YAF2: variants seen among roughly 807,000 people sequenced by gnomAD.
YAF2 encodes the protein YY1 associated factor 2, also known as YY1-associated factor 2.
YAF2 carries 7 observed loss-of-function variants against 20.1 expected under a neutral mutation model. The observed-to-expected ratio is 0.35, with a 90% CI of 0.20 to 0.65. YAF2 has a LOEUF of 0.65. Ranked by LOEUF, YAF2 falls within the 30% of genes least tolerant of loss-of-function variation. YAF2 has a pLI of 0.69. For synonymous variants in YAF2, 74 were observed against 76.0 expected (o/e 0.97, Z 0.14); for missense variants, 151 against 219.2 (o/e 0.69, Z 1.96).
chr12:42,175,738 C>G (rs1433855265), intron 2 of YAF2, among the ~76,000 whole-genome samples: 1 of 4,722 alleles, frequency 2.1e-4, no homozygotes, highest in African/African-American at 7.0e-4. Flanking sequence ...AAGACTCTGT[C>G]TCAAAAAAAA....
At chr12:42,191,606 C>T (rs188386369) in intron 2 of YAF2, among the ~76,000 whole-genome samples, 110 of 152,126 alleles carry the variant, frequency 7.2e-4, no homozygotes, top group Admixed American at 6.5e-3. Context: ...CCTTGTTTTC[C>T]TTCTTTTGCT....
At chr12:42,189,578 G>T (rs1394150104) in intron 2 of YAF2, among the ~76,000 whole-genome samples, 5 of 152,118 alleles carry the variant, frequency 3.3e-5, no homozygotes, top group Admixed American at 6.5e-5. Context: ...TTAGACTTGT[G>T]TATATGTATA....
In YAF2 at chr12:42,207,717, C is replaced by A. The variant is rs575228263; in HGVS notation, c.152+29882G>T. Reference sequence around the variant, plus strand: ...ACCATCCTGGCTAACACGGTGAAACCCCGTCTCTACTAAAAATACAAAAAT... The same window carrying A: ...ACCATCCTGGCTAACACGGTGAAACACCGTCTCTACTAAAAATACAAAAAT... On this transcript the variant is annotated intron_variant, in intron 2 of 3. Transcript: ENST00000534854. 3.3e-5 allele frequency among the ~76,000 whole-genome samples: 5 copies of A among 151,954 alleles called. No individual in the cohort carries two copies. In the South Asian group the frequency reaches 1.0e-3, roughly 32 times the overall value.
chr12:42,170,187 G>C (rs12371615), intron 2 of YAF2, among the ~76,000 whole-genome samples: 53,556 of 151,916 alleles, frequency 0.35, 9,777 homozygotes, highest in South Asian at 0.48. Flanking sequence ...ATGTGTTTTT[G>C]ATAAGTCAGT....
intron 2 of YAF2, chr12:42,233,508 T>C (rs2068042899): frequency 1.0e-6 from 1 of 981,954 alleles, no homozygotes; most frequent in African/African-American, 1.7e-5. Flanking sequence ...TTTTCTCTGA[T>C]GACTCAGAAT....
rs536681932 is a variant in YAF2, at chr12:42,202,629, A to T, written c.152+34970T>A. Among the ~76,000 whole-genome samples, 7 of 152,302 alleles carry T rather than the reference A, an allele frequency of 4.6e-5. No individual in the cohort carries two copies. In the South Asian group the frequency reaches 1.4e-3, roughly 32 times the overall value. ...CATTGTATATAGTATTTCAATCTAA[A>T]TAGCATAACTTTTATTTCTATTTTT... On this transcript the variant is annotated intron_variant, in intron 2 of 3. Transcript: ENST00000534854.
At chr12:42,234,032 G>A (rs571356913) in intron 2 of YAF2, 14 of 651,158 alleles carry the variant, frequency 2.2e-5, no homozygotes, top group Non-Finnish European at 2.7e-5. Context: ...TTAGCCTGGT[G>A]TGGTGGCGGG....
chr12:42,234,899 G>A (rs2068097239), intron 2 of YAF2: 1 of 792,488 alleles, frequency 1.3e-6, no homozygotes, highest in Non-Finnish European at 1.5e-6. Flanking sequence ...GAGGTGGGAG[G>A]ATTCCTTGAA....
intron 2 of YAF2, among the ~76,000 whole-genome samples, chr12:42,182,109 G>C (rs991492618): frequency 6.6e-6 from 1 of 151,776 alleles, no homozygotes; most frequent in Non-Finnish European, 1.5e-5. Flanking sequence ...GTAAACTGAT[G>C]AATTATTTCA....
chr12:42,232,979 G>A (rs998530625), intron 2 of YAF2: 5 of 985,172 alleles, frequency 5.1e-6, no homozygotes, highest in Non-Finnish European at 6.0e-6. Flanking sequence ...CAGTTAAAGC[G>A]GTTCTAATTT....
chr12:42,203,033 A>C (rs2066941842), intron 2 of YAF2, among the ~76,000 whole-genome samples: 2 of 151,090 alleles, frequency 1.3e-5, no homozygotes, highest in Admixed American at 6.6e-5. Context: ...TTATTCTTGA[A>C]CCTTTAATTT....
At chr12:42,194,965 CAT>C (rs2066712360) in intron 2 of YAF2, among the ~76,000 whole-genome samples, 2 of 152,264 alleles carry the variant, frequency 1.3e-5, no homozygotes, top group South Asian at 4.1e-4. Context: ...ATACATCAAA[CAT>C]GTATACATGG....
At chr12:42,210,445 TC>T in intron 2 of YAF2, 1 of 1,534,750 alleles carries the variant, frequency 6.5e-7, no homozygotes, top group South Asian at 1.2e-5. Flanking sequence ...CTGATGGGCA[TC>T]CACTGGAACT....
chr12:42,207,364 A>G (rs969224030), intron 2 of YAF2, among the ~76,000 whole-genome samples: 3 of 152,356 alleles, frequency 2.0e-5, no homozygotes, highest in Non-Finnish European at 2.9e-5. Context: ...TGCAAAAATC[A>G]AGGATACTGT....
At chr12:42,236,057 T>A (rs1592075807) in intron 2 of YAF2, 1 of 1,522,188 alleles carries the variant, frequency 6.6e-7, no homozygotes, top group Non-Finnish European at 8.8e-7. Context: ...TACAAGAAAA[T>A]AGAGAGGGAA....
At chr12:42,206,265 C>A in intron 2 of YAF2, among the ~76,000 whole-genome samples, 1 of 129,298 alleles carries the variant, frequency 7.7e-6, no homozygotes, top group East Asian at 2.2e-4. Context: ...AGTAACTGTT[C>A]TTGTTCAATT....
At chr12:42,215,308 C>T (rs962944273) in intron 2 of YAF2, among the ~76,000 whole-genome samples, 5 of 152,042 alleles carry the variant, frequency 3.3e-5, no homozygotes, top group African/African-American at 1.2e-4. Flanking sequence ...CAATGGCTAA[C>T]ACCTGTAATT....
chr12:42,193,082 G>A (rs1007255887), intron 2 of YAF2, among the ~76,000 whole-genome samples: 1 of 151,368 alleles, frequency 6.6e-6, no homozygotes, highest in Non-Finnish European at 1.5e-5. Flanking sequence ...GGGTGGCCGA[G>A]GGGGGGCAGA....
rs1286651154 is a variant in YAF2, at chr12:42,157,716, A to C, written c.*2873T>G. On this transcript the variant is annotated 3_prime_UTR_variant, in exon 4 of 4. Coordinates refer to ENST00000534854, the MANE Select transcript of YAF2 (RefSeq NM_005748.6). Reference sequence around the variant, plus strand: ...AAAATAAAACCTTTATTTCTATTGTATAATACAAAAGGTTTTAAGAATATT... The same window carrying C: ...AAAATAAAACCTTTATTTCTATTGTCTAATACAAAAGGTTTTAAGAATATT... The C allele has an allele frequency of 6.6e-6, 1 of 152,018 alleles. No individual in the cohort carries two copies. Among genetic ancestry groups the C allele is most frequent in the Non-Finnish European group, 1.5e-5 (1 of 68,010 alleles). 9.4% of individuals were successfully genotyped at this position (152,018 alleles called of 1,614,324 possible).
Sources: allele counts gnomAD v4.1 joint callset (sites outside exome capture counted in the v4.1 genomes callset), GRCh38; gene constraint gnomAD v4.1.1; transcripts MANE v1.5; gene names NCBI Gene and HGNC (gene_info 2026-07-23, HGNC 2026-07-21).